Variants in PDE8A observed in about 807,000 individuals in gnomAD.
PDE8A encodes phosphodiesterase 8A.
Under a neutral mutation model 105.0 loss-of-function variants are expected in PDE8A, and 59 were observed. The observed-to-expected ratio is 0.56, with a 90% CI of 0.46 to 0.70. The LOEUF is 0.70. PDE8A is among the 30% of genes least tolerant of loss of function. PDE8A has a pLI of 0.00. For synonymous variants in PDE8A, 355 were observed against 371.9 expected (o/e 0.95, Z 0.52); for missense variants, 1,014 against 1,045.9 (o/e 0.97, Z 0.42).
chr15:85,126,405 G>T, intron 20 of PDE8A, 31 bp downstream of exon 20: 1 of 1,451,412 alleles, frequency 6.9e-7, no homozygotes, highest in Non-Finnish European at 9.3e-7. Context: ...AGTTTCTAGA[G>T]AGAGAGAGAG....
At chr15:84,984,542 C>T (rs1252419923) in intron 1 of PDE8A, among the ~76,000 whole-genome samples, 1 of 152,090 alleles carries the variant, frequency 6.6e-6, no homozygotes, top group Non-Finnish European at 1.5e-5. Flanking sequence ...AAGTGAATTT[C>T]AACAAGAAAT....
intron 6 of PDE8A, among the ~76,000 whole-genome samples, chr15:85,087,942 G>T (rs767709258): frequency 7.2e-5 from 11 of 152,154 alleles, no homozygotes; most frequent in Non-Finnish European, 1.5e-4. Context: ...GGGATTTCAG[G>T]TTATTTGATC....
chr15:85,069,036 C>T (rs2081273981), intron 3 of PDE8A, among the ~76,000 whole-genome samples: 1 of 152,076 alleles, frequency 6.6e-6, no homozygotes, highest in African/African-American at 2.4e-5. Flanking sequence ...ATGTTTTAGA[C>T]TGAAAGTTAT....
intron 1 of PDE8A, among the ~76,000 whole-genome samples, chr15:85,045,492 T>C (rs1045139839): frequency 6.6e-6 from 1 of 152,230 alleles, no homozygotes; most frequent in Non-Finnish European, 1.5e-5. Context: ...GAGTGTCAGC[T>C]TCTTCATCAA....
intron 1 of PDE8A, among the ~76,000 whole-genome samples, chr15:84,987,328 C>A (rs1050841181): frequency 6.6e-6 from 1 of 152,088 alleles, no homozygotes; most frequent in African/African-American, 2.4e-5. Context: ...TGAAACCTGT[C>A]CCTGACCAGC....
At chr15:85,134,288 G>T (rs2082371364) in intron 20 of PDE8A, among the ~76,000 whole-genome samples, 1 of 152,216 alleles carries the variant, frequency 6.6e-6, no homozygotes, top group Non-Finnish European at 1.5e-5. Flanking sequence ...TGCCATGGCT[G>T]CCCAGAGAGA....
Position 85,117,498 on chromosome 15 carries a change from A to G in PDE8A, c.1536-143A>G, listed in dbSNP as rs2082114359. ...GGAACCAGAGTTGGTTGGCCCCACC[A>G]GAGAGAGGCCAGCACAGCCCAAGCA... On this transcript the variant is annotated intron_variant, in intron 16 of 21. Transcript: ENST00000394553. The G allele has an allele frequency of 1.0e-5, 7 of 696,164 alleles. No individual in the cohort carries two copies. In the South Asian group the frequency reaches 1.2e-4, roughly 12 times the overall value. The allele number at this position is 696,164 out of a possible 1,614,324, so 43.1% of individuals were successfully genotyped here.
chr15:84,987,090 A>T (rs1252362281), intron 1 of PDE8A, among the ~76,000 whole-genome samples: 1 of 152,242 alleles, frequency 6.6e-6, no homozygotes, highest in African/African-American at 2.4e-5. Flanking sequence ...CTGCTGCCAT[A>T]GTAAGTGACT....
chr15:85,039,180 C>T (rs947369088), intron 1 of PDE8A, among the ~76,000 whole-genome samples: 2 of 151,360 alleles, frequency 1.3e-5, no homozygotes, highest in Admixed American at 1.3e-4. Context: ...AAGCCCATCA[C>T]TTTGGGAGGC....
At chr15:85,068,482 G>C (rs1348882287) in intron 3 of PDE8A, among the ~76,000 whole-genome samples, 1 of 152,156 alleles carries the variant, frequency 6.6e-6, no homozygotes, top group African/African-American at 2.4e-5. Context: ...CTGGATAGCT[G>C]CTTGTCTCTG....
chr15:85,123,688 A>G (rs2082217382), intron 19 of PDE8A, among the ~76,000 whole-genome samples: 1 of 152,222 alleles, frequency 6.6e-6, no homozygotes, highest in Non-Finnish European at 1.5e-5. Context: ...TCTTTTGGCA[A>G]CACTCTCACA....
At chr15:85,083,400 A>G (rs892975415) in intron 5 of PDE8A, among the ~76,000 whole-genome samples, 156 bp from the exon 6 acceptor site, 1 of 152,208 alleles carries the variant, frequency 6.6e-6, no homozygotes, top group Non-Finnish European at 1.5e-5. Flanking sequence ...TCTGGTGCCC[A>G]TAAAGTTTCT....
At chr15:85,132,124 G>A (rs2082338183) in intron 20 of PDE8A, among the ~76,000 whole-genome samples, 1 of 152,094 alleles carries the variant, frequency 6.6e-6, no homozygotes, top group African/African-American at 2.4e-5. Context: ...TCTTTCCCCA[G>A]ATTATGGCAT....
intron 11 of PDE8A, among the ~76,000 whole-genome samples, chr15:85,106,087 C>T (rs1319834399): frequency 6.6e-6 from 1 of 152,014 alleles, no homozygotes; most frequent in African/African-American, 2.4e-5. Flanking sequence ...TTGAAACAGT[C>T]AAGTAGAAAT....
Position 85,136,527 on chromosome 15 carries a change from T to C in PDE8A, c.2254-7T>C, listed in dbSNP as rs1170310283. 1.2e-6 allele frequency: 2 copies of C among 1,612,148 alleles called. No homozygotes were observed. The highest frequency in any genetic ancestry group is 1.7e-5 in the Admixed American group (1 of 59,938). On this transcript the variant is annotated splice_region_variant and splice_polypyrimidine_tract_variant and intron_variant, in intron 20 of 21. Coordinates refer to ENST00000394553, the MANE Select transcript of PDE8A (RefSeq NM_002605.3). The stretch of plus-strand genomic sequence containing the variant: ...GGGGTCTCCTGATCACATTTTCTGC[T>C]TTACAGACTGATGAAGAGAAGCAGC...
intron 2 of PDE8A, among the ~76,000 whole-genome samples, chr15:85,066,084 T>C (rs2081220702): frequency 6.6e-6 from 1 of 152,208 alleles, no homozygotes; most frequent in African/African-American, 2.4e-5. Context: ...TTTCAATACA[T>C]TATTTATAGG....
intron 1 of PDE8A, among the ~76,000 whole-genome samples, chr15:85,011,283 T>C (rs1336868838): frequency 6.6e-6 from 1 of 152,194 alleles, no homozygotes; most frequent in African/African-American, 2.4e-5. Flanking sequence ...CATTACACTT[T>C]ATTTGCTGGA....
chr15:85,058,124 A>G (rs2081090896), intron 1 of PDE8A, among the ~76,000 whole-genome samples: 1 of 152,112 alleles, frequency 6.6e-6, no homozygotes, highest in South Asian at 2.1e-4. Context: ...TCTGTTGCCC[A>G]AGTTGGAATG....
At chr15:85,008,884 G>C (rs750600514) in intron 1 of PDE8A, among the ~76,000 whole-genome samples, 1 of 152,072 alleles carries the variant, frequency 6.6e-6, no homozygotes. Flanking sequence ...CCTGTGTCTC[G>C]AGTTCAGCAC....
Sources: gnomAD v4.1 joint callset for allele counts (sites outside exome capture counted in the v4.1 genomes callset) on GRCh38, gnomAD v4.1.1 for gene constraint, MANE v1.5 for transcripts, NCBI Gene and HGNC (gene_info 2026-07-23, HGNC 2026-07-21) for gene names.